Variants in ZNF532 observed in about 807,000 individuals in gnomAD.
The protein encoded by ZNF532 is zinc finger protein 532.
ZNF532 carries 22 observed loss-of-function variants against 89.3 expected under a neutral mutation model. That is an observed-to-expected ratio of 0.25 (90% CI 0.18 to 0.35). ZNF532 has a LOEUF of 0.35. Among genes scored for constraint, ZNF532 ranks in the 10% least tolerant of loss-of-function variants. The probability of loss-of-function intolerance (pLI) is 1.00; values close to 1 mark genes in which losing one functional copy is unlikely to be tolerated. For missense variants in ZNF532, 1,132 were observed against 1,643.4 expected (o/e 0.69, Z 5.38); for synonymous variants, 606 against 649.6 (o/e 0.93, Z 1.02).
At chr18:58,951,873 T>A (rs1221470282) in intron 6 of ZNF532, among the ~76,000 whole-genome samples, 1 of 152,006 alleles carries the variant, frequency 6.6e-6, no homozygotes, top group African/African-American at 2.4e-5. Context: ...TTGGTCTCGA[T>A]CTCCTGACCT....
intron 9 of ZNF532, among the ~76,000 whole-genome samples, 153 bp from the exon 10 acceptor site, chr18:58,983,819 C>T (rs571485073): frequency 2.6e-5 from 4 of 152,160 alleles, no homozygotes; most frequent in South Asian, 2.1e-4. Flanking sequence ...CATGGGCCTC[C>T]GGGTGGGGTG....
intron 2 of ZNF532, among the ~76,000 whole-genome samples, chr18:58,886,906 A>G (rs1261843996): frequency 6.6e-6 from 1 of 152,212 alleles, no homozygotes; most frequent in Non-Finnish European, 1.5e-5. Flanking sequence ...GTATGCTATT[A>G]GAGAGAGACT....
chr18:58,972,360 T>C (rs1013278851), intron 7 of ZNF532, among the ~76,000 whole-genome samples: 1 of 152,222 alleles, frequency 6.6e-6, no homozygotes, highest in Non-Finnish European at 1.5e-5. Flanking sequence ...GCTGTGTCAT[T>C]AGAAATTGAC....
chr18:58,942,418 C>T (rs569635121), intron 5 of ZNF532, among the ~76,000 whole-genome samples: 2 of 143,894 alleles, frequency 1.4e-5, no homozygotes, highest in South Asian at 4.5e-4. Flanking sequence ...TAAGTGCAAG[C>T]CTAAAAATAG....
At chr18:58,925,558 CA>C (rs1281009485) in intron 3 of ZNF532, among the ~76,000 whole-genome samples, 1 of 152,194 alleles carries the variant, frequency 6.6e-6, no homozygotes, top group African/African-American at 2.4e-5. Flanking sequence ...TGTTTTCGCC[CA>C]GTCTATAGCT....
chr18:58,933,075 G>T (rs912550805), intron 3 of ZNF532, among the ~76,000 whole-genome samples: 3 of 152,162 alleles, frequency 2.0e-5, no homozygotes, highest in Admixed American at 6.5e-5. Flanking sequence ...ATGGTTACCT[G>T]TGGTAATGTA....
intron 3 of ZNF532, among the ~76,000 whole-genome samples, chr18:58,925,318 G>A (rs971402567): frequency 6.6e-6 from 1 of 152,184 alleles, no homozygotes; most frequent in Non-Finnish European, 1.5e-5. Context: ...TGATAGATGT[G>A]TGGTATTATT....
chr18:58,986,409 G>A lies in ZNF532; in HGVS notation c.*1943G>A, dbSNP rs1603363065. On this transcript the variant is annotated 3_prime_UTR_variant, in exon 10 of 10. Transcript: ENST00000591808. ...ATTTTGCTCTCTAAATCTAATGCTCGCTCTATGTGGTTATGTACATATTGA... is the reference window on the plus strand; with the variant it reads ...ATTTTGCTCTCTAAATCTAATGCTCACTCTATGTGGTTATGTACATATTGA... 2.6e-5 allele frequency: 4 copies of A among 152,664 alleles called. No individual in the cohort carries two copies. The highest frequency in any genetic ancestry group is 1.9e-4 in the East Asian group (1 of 5,186). The allele number at this position is 152,664 out of a possible 1,614,324, so 9.5% of individuals were successfully genotyped here.
intron 5 of ZNF532, among the ~76,000 whole-genome samples, chr18:58,942,192 T>G (rs967989279): frequency 3.6e-4 from 55 of 151,728 alleles, no homozygotes; most frequent in East Asian, 7.8e-4. Context: ...CTGGCTAATT[T>G]TTTGTATTTT....
At chr18:58,973,212 T>C (rs544192670) in intron 7 of ZNF532, among the ~76,000 whole-genome samples, 2 of 152,308 alleles carry the variant, frequency 1.3e-5, no homozygotes, top group South Asian at 4.1e-4. Flanking sequence ...AAGTGATTCT[T>C]GTGCCTCAGC....
intron 7 of ZNF532, among the ~76,000 whole-genome samples, chr18:58,966,111 G>A (rs369704796): frequency 5.3e-5 from 8 of 152,078 alleles, no homozygotes; most frequent in South Asian, 2.1e-4. Flanking sequence ...ACTTACATAC[G>A]TTCCCTCCTA....
chr18:58,972,648 C>T (rs2066590065), intron 7 of ZNF532, among the ~76,000 whole-genome samples: 1 of 152,230 alleles, frequency 6.6e-6, no homozygotes, highest in South Asian at 2.1e-4. Flanking sequence ...ACAGGAAGAG[C>T]TGTTCTTCCT....
intron 6 of ZNF532, among the ~76,000 whole-genome samples, chr18:58,951,065 C>T (rs113980741): frequency 0.031 from 4,728 of 152,154 alleles, 267 homozygotes; most frequent in African/African-American, 0.11. Flanking sequence ...AGGTGATCCT[C>T]CAACCTCAGC....
intron 3 of ZNF532, chr18:58,926,205 C>G (rs1283086973): frequency 1.3e-5 from 2 of 152,166 alleles, no homozygotes; most frequent in African/African-American, 2.4e-5. Flanking sequence ...TTGAGCGTTT[C>G]AGTCCATGAA....
At chr18:58,882,184 T>C (rs1397682038) in intron 2 of ZNF532, among the ~76,000 whole-genome samples, 1 of 152,190 alleles carries the variant, frequency 6.6e-6, no homozygotes, top group South Asian at 2.1e-4. Flanking sequence ...GGGAACATAG[T>C]TTTTATAATC....
intron 2 of ZNF532, among the ~76,000 whole-genome samples, chr18:58,891,761 TTTG>T (rs754518004): frequency 1.3e-5 from 2 of 152,176 alleles, no homozygotes; most frequent in Non-Finnish European, 2.9e-5. Flanking sequence ...CAGTCCTCGT[TTTG>T]TTGTTGAACG....
chr18:58,888,768 AT>A lies in ZNF532; in HGVS notation c.-18+23190del, dbSNP rs1474469623. 1.4e-4 allele frequency among the ~76,000 whole-genome samples: 10 copies of A among 69,768 alleles called. 2 individuals are homozygous for A. In the East Asian group the frequency reaches 6.9e-3, roughly 48 times the overall value. 45.8% of individuals were successfully genotyped at this position (69,768 alleles called of 152,430 possible). The stretch of plus-strand genomic sequence containing the variant: ...TTATATATATATAAAATTAATATAT[AT>A]AATTTATATATATATAAAATATATA... On this transcript the variant is annotated intron_variant, in intron 2 of 9. Coordinates refer to ENST00000591808, the MANE Select transcript of ZNF532 (RefSeq NM_001375912.1).
At chr18:58,952,464 G>A (rs2147018134) in intron 6 of ZNF532, among the ~76,000 whole-genome samples, 1 of 152,248 alleles carries the variant, frequency 6.6e-6, no homozygotes, top group Admixed American at 6.5e-5. Flanking sequence ...GAGTGCAGTG[G>A]TGTGATTGTA....
At chr18:58,907,488 C>T (rs373019416) in intron 2 of ZNF532, among the ~76,000 whole-genome samples, 3 of 151,830 alleles carry the variant, frequency 2.0e-5, no homozygotes, top group South Asian at 4.2e-4. Flanking sequence ...TGCACCCAGC[C>T]GAGAAGTTTT....
Sources: gnomAD v4.1 joint callset for allele counts (sites outside exome capture counted in the v4.1 genomes callset) on GRCh38, gnomAD v4.1.1 for gene constraint, MANE v1.5 for transcripts, NCBI Gene and HGNC (gene_info 2026-07-23, HGNC 2026-07-21) for gene names.